The following COBL variants were observed in gnomAD, a reference collection of about 807,000 sequenced individuals.
COBL encodes protein cordon-bleu.
In COBL, 51 loss-of-function variants were observed where a neutral mutation model predicts 98.8. That is an observed-to-expected ratio of 0.52 (90% confidence interval 0.41 to 0.65). The LOEUF (loss-of-function observed/expected upper bound fraction) is 0.65. COBL is among the 30% of genes least tolerant of loss of function. The pLI, the probability that COBL is intolerant of heterozygous loss-of-function variation, is 0.00. For missense variants in COBL, 1,617 were observed against 1,617.5 expected, an observed-to-expected ratio of 1.00 and a Z score of 0.01; for synonymous variants, 634 against 651.7, an observed-to-expected ratio of 0.97 and a Z score of 0.41.
chr7:51,231,013 G>A (rs1794691185), intron 1 of COBL, among the ~76,000 whole-genome samples: 1 of 152,222 alleles, frequency 6.6e-6, no homozygotes, highest in Non-Finnish European at 1.5e-5. Context: ...ACTGGGAGAG[G>A]GGTTAACACT....
At chr7:51,272,212 A>G (rs1470263475) in intron 1 of COBL, among the ~76,000 whole-genome samples, 1 of 152,200 alleles carries the variant, frequency 6.6e-6, no homozygotes, top group African/African-American at 2.4e-5. Context: ...CTACTATTGC[A>G]TGCTTCAGTT....
intron 4 of COBL, among the ~76,000 whole-genome samples, chr7:51,189,564 G>A (rs1236003592): frequency 6.6e-6 from 1 of 152,132 alleles, no homozygotes; most frequent in Non-Finnish European, 1.5e-5. Context: ...AACCTGGGAG[G>A]TGGAGGTTGC....
intron 1 of COBL, among the ~76,000 whole-genome samples, chr7:51,265,117 T>C (rs983176939): frequency 2.0e-5 from 3 of 152,080 alleles, no homozygotes; most frequent in African/African-American, 7.2e-5. Flanking sequence ...CTCAAGAAAG[T>C]CTACACAGCA....
At chr7:51,116,605 T>C (rs960776895) in intron 6 of COBL, among the ~76,000 whole-genome samples, 1 of 152,060 alleles carries the variant, frequency 6.6e-6, no homozygotes, top group African/African-American at 2.4e-5. Context: ...TGGAAAGAAA[T>C]TAAGAGAAAA....
At chr7:51,115,253 C>T (rs977582727) in intron 6 of COBL, among the ~76,000 whole-genome samples, 2 of 152,046 alleles carry the variant, frequency 1.3e-5, no homozygotes, top group African/African-American at 4.8e-5. Context: ...TATGCATTTT[C>T]TCTACTACTG....
intron 1 of COBL, among the ~76,000 whole-genome samples, chr7:51,290,004 A>G (rs1429641339): frequency 6.6e-6 from 1 of 152,224 alleles, no homozygotes; most frequent in Non-Finnish European, 1.5e-5. Context: ...CCTTGGGAAA[A>G]CAAATGAGAT....
intron 6 of COBL, among the ~76,000 whole-genome samples, chr7:51,120,043 A>C (rs1190947994): frequency 6.6e-6 from 1 of 152,214 alleles, no homozygotes; most frequent in African/African-American, 2.4e-5. Context: ...GATATGCTAC[A>C]TGCTTTCAGA....
At chr7:51,186,583 G>A (rs1036070347) in intron 4 of COBL, among the ~76,000 whole-genome samples, 5 of 152,184 alleles carry the variant, frequency 3.3e-5, no homozygotes, top group African/African-American at 7.2e-5. Context: ...GCTCCCTGAC[G>A]AAGGGTCCAG....
intron 2 of COBL, among the ~76,000 whole-genome samples, chr7:51,194,754 G>A (rs1307385353): frequency 6.6e-6 from 1 of 151,994 alleles, no homozygotes; most frequent in Non-Finnish European, 1.5e-5. Flanking sequence ...CCTCATGTGT[G>A]TCTTCTTTTG....
At chr7:51,065,293 G>C in intron 7 of COBL, 1 of 703,420 alleles carries the variant, frequency 1.4e-6, no homozygotes, top group Non-Finnish European at 2.6e-6. Context: ...CTGGGGAAAT[G>C]GGGAGGAGGA....
rs146418259 is a variant in COBL at position 51,082,331 on chromosome 7, G to A, written c.1096+2835C>T. Among the ~76,000 whole-genome samples, 1,313 of 152,228 alleles carry A rather than the reference G, an allele frequency of 8.6e-3. 44 individuals are homozygous for A. Among genetic ancestry groups the A allele is most frequent in the Non-Finnish European group, 5.2e-3 (351 of 68,022 alleles). On this transcript the variant is annotated intron_variant, in intron 7 of 12. Coordinates refer to ENST00000265136, the MANE Select transcript of COBL (RefSeq NM_015198.5). ...CCGCCCAGCTGAGACATACTGAAGCGGTCCAAGCGCAGGCCCGACGTGCCC... is the reference window on the plus strand; with the variant it reads ...CCGCCCAGCTGAGACATACTGAAGCAGTCCAAGCGCAGGCCCGACGTGCCC...
chr7:51,189,069 C>T (rs1789826677), intron 4 of COBL, among the ~76,000 whole-genome samples: 1 of 152,312 alleles, frequency 6.6e-6, no homozygotes, highest in Non-Finnish European at 1.5e-5. Context: ...GCCACCAGGC[C>T]TTTGCAGCAA....
At chr7:51,187,325 T>TAC (rs1343238685) in intron 4 of COBL, among the ~76,000 whole-genome samples, 40 of 136,200 alleles carry the variant, frequency 2.9e-4, no homozygotes, top group African/African-American at 1.1e-3. Flanking sequence ...TATATATATA[T>TAC]ATATATACAC....
chr7:51,040,064 A>G (rs748736424), intron 8 of COBL, among the ~76,000 whole-genome samples: 8 of 152,162 alleles, frequency 5.3e-5, no homozygotes, highest in Non-Finnish European at 1.2e-4. Flanking sequence ...CAACCCCTGC[A>G]TTGCATGGGA....
chr7:51,214,227 C>G (rs1032161799), intron 2 of COBL, among the ~76,000 whole-genome samples: 4 of 151,528 alleles, frequency 2.6e-5, no homozygotes, highest in Non-Finnish European at 5.9e-5. Context: ...GATTGTGCCG[C>G]CACTGCACTG....
At chr7:51,222,686 A>G (rs919296444) in intron 1 of COBL, among the ~76,000 whole-genome samples, 12 of 152,174 alleles carry the variant, frequency 7.9e-5, no homozygotes, top group Middle Eastern at 3.4e-3. Flanking sequence ...GCTCGGAGAC[A>G]TTAGCATTAC....
chr7:51,203,508 A>G lies in COBL; in HGVS notation c.246-9919T>C, dbSNP rs1584157218. On this transcript the variant is annotated intron_variant, in intron 2 of 12. Transcript: ENST00000265136. ...AAACTCTTGGCTGCATTAAAAAAAGAGAGAAGACTTAAAATCTGAAAGAGG... is the reference window on the plus strand; with the variant it reads ...AAACTCTTGGCTGCATTAAAAAAAGGGAGAAGACTTAAAATCTGAAAGAGG... 2.0e-5 allele frequency among the ~76,000 whole-genome samples: 3 copies of G among 151,508 alleles called. No homozygotes were observed. In the South Asian group the frequency reaches 6.2e-4, roughly 31 times the overall value.
chr7:51,269,458 A>G (rs952283747), intron 1 of COBL, among the ~76,000 whole-genome samples: 3 of 152,158 alleles, frequency 2.0e-5, no homozygotes, highest in African/African-American at 7.2e-5. Flanking sequence ...ACTGCCACGC[A>G]ATGTCCCTCA....
chr7:51,266,412 C>G (rs1375725943), intron 1 of COBL, among the ~76,000 whole-genome samples: 1 of 152,132 alleles, frequency 6.6e-6, no homozygotes, highest in Non-Finnish European at 1.5e-5. Context: ...AACCCCATCT[C>G]TACTAAAAAT....
Sources: gnomAD v4.1 joint callset for allele counts (sites outside exome capture counted in the v4.1 genomes callset) on GRCh38, gnomAD v4.1.1 for gene constraint, MANE v1.5 for transcripts, NCBI Gene and HGNC (gene_info 2026-07-23, HGNC 2026-07-21) for gene names.